The following FOXN2 variants were observed in gnomAD, a reference collection of about 807,000 sequenced individuals.
FOXN2 encodes the protein forkhead box N2, also known as forkhead box protein N2.
A neutral mutation model predicts 41.2 loss-of-function variants in FOXN2; 19 were observed. The observed-to-expected ratio is 0.46, with a 90% CI of 0.32 to 0.68. The LOEUF is 0.68. FOXN2 is among the 30% of genes least tolerant of loss of function. The pLI is 0.03. For missense variants in FOXN2, 587 were observed against 509.4 expected (o/e 1.15, Z -1.47); for synonymous variants, 195 against 176.8 (o/e 1.10, Z -0.82).
At chr2:48,368,743 G>A (rs1020641088) in intron 5 of FOXN2, among the ~76,000 whole-genome samples, 1 of 152,140 alleles carries the variant, frequency 6.6e-6, no homozygotes, top group Non-Finnish European at 1.5e-5. Context: ...ATTAAAAATT[G>A]TAATTTCTAC....
At chr2:48,371,951 A>G (rs1347976135) in intron 5 of FOXN2, among the ~76,000 whole-genome samples, 2 of 152,102 alleles carry the variant, frequency 1.3e-5, no homozygotes, top group Admixed American at 6.6e-5. Context: ...AGTTTTTTCT[A>G]TATATAAGAT....
intron 5 of FOXN2, 106 bp downstream of exon 5, chr2:48,362,813 A>T: frequency 1.1e-6 from 1 of 907,478 alleles, no homozygotes. Flanking sequence ...GGAGCTGAAA[A>T]ATTTCTATTG....
chr2:48,369,132 T>G (rs1341001535), intron 5 of FOXN2, among the ~76,000 whole-genome samples: 6 of 152,250 alleles, frequency 3.9e-5, no homozygotes, highest in Non-Finnish European at 8.8e-5. Flanking sequence ...TTTACAATAT[T>G]CAGAAATGGT....
chr2:48,358,492 T>C (rs1204947600), intron 3 of FOXN2, among the ~76,000 whole-genome samples: 1 of 152,236 alleles, frequency 6.6e-6, no homozygotes, highest in African/African-American at 2.4e-5. Context: ...TTTTTGAACC[T>C]ATAGAACGGT....
chr2:48,350,174 C>T (rs1183304743), intron 3 of FOXN2, among the ~76,000 whole-genome samples: 2 of 152,190 alleles, frequency 1.3e-5, no homozygotes, highest in East Asian at 3.8e-4. Flanking sequence ...GCATATTGAA[C>T]AGCTATAGGA....
At chr2:48,314,299 G>A (rs906140147), upstream of FOXN2, among the ~76,000 whole-genome samples, 2 of 152,228 alleles carry the variant, frequency 1.3e-5, no homozygotes, top group African/African-American at 2.4e-5. Context: ...CGCCTCCGCC[G>A]CACTCCTATA....
rs537794703 is a variant in FOXN2 at position 48,348,283 on chromosome 2, T to C, written c.537+1532T>C. ...TGGATAATTTTTATTGATTTTTCTATAGGTTCACCGTTTTTCTTTGTTGTG... is the reference window on the plus strand; with the variant it reads ...TGGATAATTTTTATTGATTTTTCTACAGGTTCACCGTTTTTCTTTGTTGTG... On this transcript the variant is annotated intron_variant, in intron 3 of 6. Coordinates refer to ENST00000340553, the MANE Select transcript of FOXN2 (RefSeq NM_002158.4). 7.9e-5 allele frequency among the ~76,000 whole-genome samples: 12 copies of C among 152,300 alleles called. No homozygotes were observed. The East Asian group carries it at 2.3e-3, about 29-fold the overall frequency.
At chr2:48,353,594 G>C in intron 3 of FOXN2, among the ~76,000 whole-genome samples, 1 of 148,520 alleles carries the variant, frequency 6.7e-6, no homozygotes, top group African/African-American at 2.5e-5. Context: ...GTGTGTGTGT[G>C]TGTGTGTGTG....
Position 48,378,733 on chromosome 2 carries a change from C to G in FOXN2, c.*3290C>G, listed in dbSNP as rs1673397414. On this transcript the variant is annotated 3_prime_UTR_variant, in exon 7 of 7. Transcript: ENST00000340553. ...TGAAATGTGTAAGCTTTGATTTAAA[C>G]CAAGTTTACTTCAGTATGTTAATGA... is the stretch of plus-strand genomic sequence containing the variant. The G allele has an allele frequency of 6.6e-6, 1 of 150,442 alleles. No individual in the cohort carries two copies. The highest frequency in any genetic ancestry group is 1.5e-5 in the Non-Finnish European group (1 of 67,606). 9.3% of individuals were successfully genotyped at this position (150,442 alleles called of 1,614,324 possible). A position where few individuals can be genotyped will look rare whatever the true frequency, so the allele number is the denominator to read the frequency against.
rs1312708360 is a variant in FOXN2, at chr2:48,346,408, G to A, written c.194G>A (p.Ser65Asn). Residue 65 changes from serine (S) to asparagine (N), a missense_variant, in exon 3 of 7, where the codon AGC becomes AAC. Transcript: ENST00000340553. Reference sequence around the variant, plus strand: ...ACAAACTTGAACTGGCTTCATGAAAGCACTAATCTTCTAACAAACTTCAGC... The same window carrying A: ...ACAAACTTGAACTGGCTTCATGAAAACACTAATCTTCTAACAAACTTCAGC... ...ELTNLNWLHE[S>N]TNLLTNFSLG... 3 of 1,614,168 alleles carry A rather than the reference G, an allele frequency of 1.9e-6. No homozygotes were observed. Among genetic ancestry groups the A allele is most frequent in the Non-Finnish European group, 2.5e-6 (3 of 1,180,020 alleles).
intron 3 of FOXN2, 86 bp downstream of exon 3, chr2:48,346,837 A>G (rs1671136088): frequency 8.8e-7 from 1 of 1,140,536 alleles, no homozygotes; most frequent in Non-Finnish European, 1.2e-6. Context: ...AATCGGGGAG[A>G]CAATAAGTAG....
upstream of FOXN2, among the ~76,000 whole-genome samples, chr2:48,314,219 G>C (rs993104649): frequency 1.3e-5 from 2 of 152,250 alleles, no homozygotes; most frequent in Non-Finnish European, 2.9e-5. Context: ...CACAGGCACC[G>C]AGGGCCGTAC....
At chr2:48,355,637 A>T (rs1254022823) in intron 3 of FOXN2, among the ~76,000 whole-genome samples, 1 of 152,170 alleles carries the variant, frequency 6.6e-6, no homozygotes, top group Non-Finnish European at 1.5e-5. Context: ...GAAGCCAAAT[A>T]TACTTAGTTG....
intron 2 of FOXN2, among the ~76,000 whole-genome samples, chr2:48,338,396 C>A (rs72820405): frequency 0.43 from 65,506 of 150,854 alleles, 14,437 homozygotes; most frequent in East Asian, 0.52. Context: ...AGGAAGGATG[C>A]CATTTTTTTT....
At chr2:48,359,616 TC>T (rs1220187744) in intron 4 of FOXN2, among the ~76,000 whole-genome samples, 30 of 150,658 alleles carry the variant, frequency 2.0e-4, no homozygotes, top group African/African-American at 6.8e-4. Context: ...TCTTTTCTTT[TC>T]TTTTCTTTTT....
At chr2:48,332,136 A>G (rs1047024782) in intron 2 of FOXN2, among the ~76,000 whole-genome samples, 1 of 152,170 alleles carries the variant, frequency 6.6e-6, no homozygotes, top group Non-Finnish European at 1.5e-5. Flanking sequence ...TGTTTTCATG[A>G]TGCCATTACA....
At chr2:48,341,223 T>C (rs901636443) in intron 2 of FOXN2, among the ~76,000 whole-genome samples, 2 of 152,152 alleles carry the variant, frequency 1.3e-5, no homozygotes, top group South Asian at 4.1e-4. Context: ...AAACTGACCA[T>C]GCATATTATT....
intron 6 of FOXN2, among the ~76,000 whole-genome samples, chr2:48,374,063 C>CT (rs1323217956): frequency 6.7e-6 from 1 of 150,276 alleles, no homozygotes; most frequent in East Asian, 1.9e-4. Flanking sequence ...GAGTGAGACT[C>CT]TGTCTCCAAA....
At chr2:48,374,427 A>G (rs1174032136) in intron 6 of FOXN2, among the ~76,000 whole-genome samples, 1 of 152,186 alleles carries the variant, frequency 6.6e-6, no homozygotes. Flanking sequence ...TTTGTCATAC[A>G]CTGTTGGGAG....
Sources: allele counts gnomAD v4.1 joint callset (sites outside exome capture counted in the v4.1 genomes callset), GRCh38; gene constraint gnomAD v4.1.1; transcripts MANE v1.5; gene names NCBI Gene and HGNC (gene_info 2026-07-23, HGNC 2026-07-21).